DCLK2: variants seen among roughly 807,000 people sequenced by gnomAD.
DCLK2 encodes the protein serine/threonine-protein kinase DCLK2.
A neutral mutation model predicts 78.4 loss-of-function variants in DCLK2; 31 were observed. The observed-to-expected ratio is 0.40, with a 90% CI of 0.30 to 0.53. The LOEUF is 0.53. Among genes scored for constraint, DCLK2 ranks in the 20% least tolerant of loss-of-function variants. DCLK2 has a pLI of 0.61. For synonymous variants in DCLK2, 407 were observed against 374.9 expected (o/e 1.09, Z -0.99); for missense variants, 872 against 973.7 (o/e 0.90, Z 1.39).
At chr4:150,238,163 A>G (rs1742647055) in intron 10 of DCLK2, among the ~76,000 whole-genome samples, 1 of 152,196 alleles carries the variant, frequency 6.6e-6, no homozygotes, top group African/African-American at 2.4e-5. Context: ...CCTTCATGCT[A>G]CCACTTAGAG....
At chr4:150,183,907 A>AT (rs550698779) in intron 2 of DCLK2, among the ~76,000 whole-genome samples, 3 of 150,812 alleles carry the variant, frequency 2.0e-5, no homozygotes, top group South Asian at 2.1e-4. Context: ...TCATTTTTCT[A>AT]TTTTTTTGTA....
intron 5 of DCLK2, among the ~76,000 whole-genome samples, chr4:150,212,017 A>G (rs1339271031): frequency 6.6e-6 from 1 of 152,210 alleles, no homozygotes; most frequent in African/African-American, 2.4e-5. Flanking sequence ...TTCATGTTCC[A>G]GTTTAAGACT....
chr4:150,244,508 G>A (rs552845452), intron 12 of DCLK2, among the ~76,000 whole-genome samples: 1 of 152,206 alleles, frequency 6.6e-6, no homozygotes, highest in East Asian at 1.9e-4. Flanking sequence ...TCATTGAAAA[G>A]AGAGCGTGTG....
intron 1 of DCLK2, among the ~76,000 whole-genome samples, chr4:150,085,334 A>G (rs1261418757): frequency 2.6e-5 from 4 of 152,222 alleles, no homozygotes; most frequent in African/African-American, 9.6e-5. Flanking sequence ...TTTATTTTCT[A>G]GTTCTAGAAG....
chr4:150,087,170 C>T (rs890959694), intron 1 of DCLK2, among the ~76,000 whole-genome samples: 1 of 152,142 alleles, frequency 6.6e-6, no homozygotes, highest in African/African-American at 2.4e-5. Flanking sequence ...AGAAGCTTTT[C>T]CTTATAGACT....
chr4:150,235,674 G>A (rs1463642066), intron 10 of DCLK2, among the ~76,000 whole-genome samples: 1 of 152,180 alleles, frequency 6.6e-6, no homozygotes, highest in African/African-American at 2.4e-5. Context: ...AACCTAACTA[G>A]ATCACTTGGC....
chr4:150,108,995 G>T (rs909754198), intron 2 of DCLK2, among the ~76,000 whole-genome samples: 1 of 152,090 alleles, frequency 6.6e-6, no homozygotes, highest in African/African-American at 2.4e-5. Flanking sequence ...TCCTTGGAGT[G>T]CCTGCTCTTA....
At chr4:150,100,927 C>T (rs1338384120) in intron 1 of DCLK2, among the ~76,000 whole-genome samples, 3 of 152,072 alleles carry the variant, frequency 2.0e-5, no homozygotes, top group Admixed American at 1.3e-4. Flanking sequence ...CTAATTATAC[C>T]CTTAAATAGA....
At chr4:150,107,899 A>T (rs2150161376) in intron 2 of DCLK2, among the ~76,000 whole-genome samples, 1 of 152,168 alleles carries the variant, frequency 6.6e-6, no homozygotes, top group Non-Finnish European at 1.5e-5. Flanking sequence ...TGAGCTCAGG[A>T]GTTCGAGGCT....
chr4:150,107,677 A>G (rs1297807334), intron 2 of DCLK2, among the ~76,000 whole-genome samples: 2 of 152,124 alleles, frequency 1.3e-5, no homozygotes, highest in African/African-American at 2.4e-5. Context: ...ACACCCAGCC[A>G]GTTTGTTGTC....
In DCLK2 at chr4:150,247,640, T is replaced by G; in HGVS notation, c.1816T>G (p.Leu606Val). Reference sequence around the variant, plus strand: ...CCAGGAAGATCTCTTCGACCAGATCTTGGCTGGGAAGCTGGAGTTTCCGGC... The same window carrying G: ...CCAGGAAGATCTCTTCGACCAGATCGTGGCTGGGAAGCTGGAGTTTCCGGC... ...NLQEDLFDQILAGKLEFPAPY... is the reference protein window; with the variant it reads ...NLQEDLFDQIVAGKLEFPAPY... The change falls in exon 13 of 16, where the codon TTG becomes GTG. Residue 606 changes from leucine to valine, a missense_variant. Leu to Val is a conservative substitution (Grantham distance 32). This residue lies in a region of DCLK2 where 219 missense variants were observed against 230.1 expected (regional missense o/e 0.95). Transcript: ENST00000296550. The G allele has an allele frequency of 6.2e-7, 1 of 1,614,074 alleles. No homozygotes were observed. The highest frequency in any genetic ancestry group is 8.5e-7 in the Non-Finnish European group (1 of 1,180,000).
chr4:150,252,417 G>A (rs1744241787), intron 15 of DCLK2, among the ~76,000 whole-genome samples: 1 of 152,230 alleles, frequency 6.6e-6, no homozygotes, highest in South Asian at 2.1e-4. Context: ...CAGGGCTTAG[G>A]AGAGTTTGCT....
chr4:150,199,718 T>C (rs1739323045), intron 4 of DCLK2, among the ~76,000 whole-genome samples: 2 of 152,254 alleles, frequency 1.3e-5, no homozygotes, highest in Non-Finnish European at 2.9e-5. Flanking sequence ...TATCATGCTT[T>C]CTGTAAAGTA....
chr4:150,240,055 C>CTATTG (rs1742801486), intron 11 of DCLK2, among the ~76,000 whole-genome samples, 180 bp downstream of exon 11: 2 of 64,812 alleles, frequency 3.1e-5, no homozygotes, highest in East Asian at 5.0e-4. Context: ...GTATACAGTG[C>CTATTG]CTCCTGTGAA....
intron 15 of DCLK2, among the ~76,000 whole-genome samples, chr4:150,250,189 A>T (rs192436380): frequency 6.6e-6 from 1 of 152,300 alleles, no homozygotes; most frequent in East Asian, 1.9e-4. Context: ...CAAGGAAAAA[A>T]ATATATATTC....
chr4:150,256,759 G>A lies in DCLK2; in HGVS notation c.*512G>A, dbSNP rs1744598790. The A allele has an allele frequency of 6.6e-6, 1 of 152,516 alleles. No homozygotes were observed. The highest frequency in any genetic ancestry group is 6.5e-5 in the Admixed American group (1 of 15,298). The allele number at this position is 152,516 out of a possible 1,614,324, so 9.4% of individuals were successfully genotyped here. Reference sequence around the variant, plus strand: ...TGGGTGTCCTGTGAGAGGTGATATGGGGGCTAAGAGGACTGGCTTTCTAAT... The same window carrying A: ...TGGGTGTCCTGTGAGAGGTGATATGAGGGCTAAGAGGACTGGCTTTCTAAT... On this transcript the variant is annotated 3_prime_UTR_variant, in exon 16 of 16. Transcript: ENST00000296550.
intron 2 of DCLK2, among the ~76,000 whole-genome samples, chr4:150,114,676 C>T (rs1731943482): frequency 6.6e-6 from 1 of 152,196 alleles, no homozygotes; most frequent in African/African-American, 2.4e-5. Context: ...AAATTCTTGG[C>T]TGACAGTTAT....
intron 2 of DCLK2, among the ~76,000 whole-genome samples, chr4:150,107,814 G>A (rs1017735701): frequency 1.3e-5 from 2 of 152,132 alleles, no homozygotes; most frequent in East Asian, 1.9e-4. Context: ...TGAAAGTGAA[G>A]TGTAAGGTTA....
chr4:150,101,026 G>C (rs1252894033), intron 1 of DCLK2, among the ~76,000 whole-genome samples: 1 of 152,130 alleles, frequency 6.6e-6, no homozygotes, highest in East Asian at 1.9e-4. Context: ...GTCAAGGTGG[G>C]TGACTCGCTT....
Sources: gnomAD v4.1 joint callset for allele counts (sites outside exome capture counted in the v4.1 genomes callset) on GRCh38, gnomAD v4.1.1 for gene constraint, gnomAD v4.1.1 regional missense constraint, MANE v1.5 for transcripts, NCBI Gene and HGNC (gene_info 2026-07-23, HGNC 2026-07-21) for gene names.